The following PELI2 variants were observed in gnomAD, a reference collection of about 807,000 sequenced individuals.
PELI2 encodes the protein E3 ubiquitin-protein ligase pellino homolog 2.
PELI2 carries 23 observed loss-of-function variants against 42.3 expected under a neutral mutation model. The ratio of observed to expected loss-of-function variants is 0.54; its 90% CI spans 0.39 to 0.77. The LOEUF is 0.77. Among genes scored for constraint, PELI2 ranks in the 30% least tolerant of loss-of-function variants. PELI2 has a pLI of 0.00. For synonymous variants in PELI2, 245 were observed against 212.2 expected (o/e 1.15, Z -1.34); for missense variants, 463 against 553.2 (o/e 0.84, Z 1.64).
chr14:56,248,209 A>G (rs1011685563), intron 2 of PELI2, among the ~76,000 whole-genome samples: 1 of 152,226 alleles, frequency 6.6e-6, no homozygotes, highest in South Asian at 2.1e-4. Context: ...AGCGTCTACC[A>G]TGCTGCTATT....
chr14:56,236,216 T>G (rs1887788604), intron 2 of PELI2, among the ~76,000 whole-genome samples: 1 of 152,238 alleles, frequency 6.6e-6, no homozygotes, highest in Non-Finnish European at 1.5e-5. Flanking sequence ...TTGGAGTTGA[T>G]TTAAAGCACG....
Position 56,235,737 on chromosome 14 carries a change from C to T in PELI2, c.208-43939C>T, listed in dbSNP as rs150208175. 1.3e-3 allele frequency among the ~76,000 whole-genome samples: 204 copies of T among 152,314 alleles called. 2 individuals are homozygous for T. Among genetic ancestry groups the T allele is most frequent in the African/African-American group, 4.6e-3 (192 of 41,572 alleles). On this transcript the variant is annotated intron_variant, in intron 2 of 5. Transcript: ENST00000267460. Reference sequence around the variant, plus strand: ...GATGGAAGATGGATATTTTCATTTCCTTATATTATTTCCAATACATAAGCA... The same window carrying T: ...GATGGAAGATGGATATTTTCATTTCTTTATATTATTTCCAATACATAAGCA...
In PELI2 at chr14:56,271,913, G is replaced by T. The variant is rs577908012; in HGVS notation, c.208-7763G>T. 2.6e-5 allele frequency among the ~76,000 whole-genome samples: 4 copies of T among 152,254 alleles called. No homozygotes were observed. In the South Asian group the frequency reaches 8.3e-4, roughly 32 times the overall value. ...AGCCCCAGGGACTCTTTCTTCCCAGGCATTTTGCGGGGACCTGAAAGGCAA... is the reference window on the plus strand; with the variant it reads ...AGCCCCAGGGACTCTTTCTTCCCAGTCATTTTGCGGGGACCTGAAAGGCAA... On this transcript the variant is annotated intron_variant, in intron 2 of 5. Transcript: ENST00000267460.
intron 2 of PELI2, among the ~76,000 whole-genome samples, chr14:56,239,687 G>A (rs751059014): frequency 6.6e-6 from 1 of 152,130 alleles, no homozygotes; most frequent in Non-Finnish European, 1.5e-5. Flanking sequence ...TGAGTTCAGT[G>A]CCCTATGGTC....
intron 2 of PELI2, among the ~76,000 whole-genome samples, chr14:56,228,672 G>C (rs1481928807): frequency 1.3e-5 from 2 of 152,238 alleles, no homozygotes; most frequent in African/African-American, 4.8e-5. Flanking sequence ...CCAGTCTACA[G>C]CTCCCAGTGT....
chr14:56,120,485 T>C (rs1050292260), intron 1 of PELI2, among the ~76,000 whole-genome samples: 1 of 152,216 alleles, frequency 6.6e-6, no homozygotes, highest in Non-Finnish European at 1.5e-5. Flanking sequence ...TATCATAGTC[T>C]CACTCCACAG....
Position 56,288,682 on chromosome 14 carries a change from T to C in PELI2, c.507+48T>C. 5 of 1,420,458 alleles carry C rather than the reference T, an allele frequency of 3.5e-6. No homozygotes were observed. The highest frequency in any genetic ancestry group is 4.9e-6 in the Non-Finnish European group (5 of 1,030,120). 88.0% of individuals were successfully genotyped at this position (1,420,458 alleles called of 1,614,324 possible). A position where few individuals can be genotyped will look rare whatever the true frequency, so the allele number is the denominator to read the frequency against. ...CGATTTCTAGAAAAATGCTTGTGAT[T>C]ATGATATGGAACATTTAATTGGAGC... is the stretch of plus-strand genomic sequence containing the variant. On this transcript the variant is annotated intron_variant, in intron 4 of 5. Coordinates refer to ENST00000267460, the MANE Select transcript of PELI2 (RefSeq NM_021255.3). The surrounding 1 kb of genome is among the most constrained non-coding windows in gnomAD (Gnocchi z 4.6).
chr14:56,230,989 C>CAA (rs1248063881), intron 2 of PELI2, among the ~76,000 whole-genome samples: 15 of 152,022 alleles, frequency 9.9e-5, no homozygotes, highest in Non-Finnish European at 1.9e-4. Context: ...TTTAAACCAA[C>CAA]AGATCAAAAG....
chr14:56,144,141 AC>A (rs1884020988), intron 1 of PELI2, among the ~76,000 whole-genome samples: 1 of 152,128 alleles, frequency 6.6e-6, no homozygotes, highest in African/African-American at 2.4e-5. Flanking sequence ...CTTTTCCCTT[AC>A]TTGTAACTTC....
intron 1 of PELI2, among the ~76,000 whole-genome samples, chr14:56,141,751 C>T (rs1338774348): frequency 6.6e-6 from 1 of 152,104 alleles, no homozygotes; most frequent in Non-Finnish European, 1.5e-5. Flanking sequence ...GGGAAACCAC[C>T]CCCAAGATTC....
chr14:56,225,256 G>A (rs980844069), intron 2 of PELI2, among the ~76,000 whole-genome samples: 3 of 152,160 alleles, frequency 2.0e-5, no homozygotes, highest in African/African-American at 7.2e-5. Flanking sequence ...GGGGCATCAG[G>A]CTGCTGTTAG....
At chr14:56,261,220 G>A (rs1282582164) in intron 2 of PELI2, among the ~76,000 whole-genome samples, 3 of 152,096 alleles carry the variant, frequency 2.0e-5, no homozygotes, top group Non-Finnish European at 4.4e-5. Context: ...TTAATACTTG[G>A]TAACTGTGTC....
At chr14:56,119,462 C>A (rs1437998013) in intron 1 of PELI2, among the ~76,000 whole-genome samples, 1 of 152,172 alleles carries the variant, frequency 6.6e-6, no homozygotes, top group East Asian at 1.9e-4. Context: ...CCCCCGGTCC[C>A]GGCCTCGCTG....
intron 2 of PELI2, among the ~76,000 whole-genome samples, chr14:56,245,828 G>A (rs1410136174): frequency 6.6e-6 from 1 of 152,128 alleles, no homozygotes; most frequent in Non-Finnish European, 1.5e-5. Flanking sequence ...CATAGCATTG[G>A]CATTGTTTTA....
At position 56,219,448 on chromosome 14, in the gene PELI2, G is replaced by T. The variant is rs1364720687; in HGVS notation, c.207+40984G>T. Among the ~76,000 whole-genome samples the T allele has an allele frequency of 6.6e-6, 1 of 151,810 alleles. No homozygotes were observed. The highest frequency in any genetic ancestry group is 2.4e-5 in the African/African-American group (1 of 41,310). ...CATCTTTTTAACATCCTTTCCTCTC[G>T]CAGTAACTACAGCATGATTTGTTTT... On this transcript the variant is annotated intron_variant, in intron 2 of 5. Coordinates refer to ENST00000267460, the MANE Select transcript of PELI2 (RefSeq NM_021255.3). This position sits in a 1 kb window ranked among gnomAD's most constrained non-coding sequence, Gnocchi z 4.1.
At chr14:56,202,667 G>C (rs1202510814) in intron 2 of PELI2, among the ~76,000 whole-genome samples, 1 of 152,188 alleles carries the variant, frequency 6.6e-6, no homozygotes, top group Admixed American at 6.5e-5. Flanking sequence ...CCTGGGCCTA[G>C]GTGTAGGATG....
chr14:56,292,287 A>G (rs879408519), intron 5 of PELI2, among the ~76,000 whole-genome samples: 22 of 152,194 alleles, frequency 1.4e-4, no homozygotes, highest in African/African-American at 3.4e-4. Flanking sequence ...AAAGGCTTCT[A>G]TCAGCCTGAT....
intron 2 of PELI2, among the ~76,000 whole-genome samples, chr14:56,230,187 T>C (rs1184169386): frequency 2.6e-5 from 4 of 152,292 alleles, no homozygotes; most frequent in Admixed American, 2.6e-4. Flanking sequence ...CAGGGTATTA[T>C]CCAGGAGAAC....
intron 2 of PELI2, among the ~76,000 whole-genome samples, chr14:56,226,500 C>T (rs1887360080): frequency 6.6e-6 from 1 of 152,160 alleles, no homozygotes; most frequent in African/African-American, 2.4e-5. Flanking sequence ...TTCTAATCCA[C>T]TTGTATGGAT....
Sources: gnomAD v4.1 joint callset for allele counts (sites outside exome capture counted in the v4.1 genomes callset) on GRCh38, gnomAD v4.1.1 for gene constraint, Gnocchi (gnomAD v3.1) non-coding constraint, MANE v1.5 for transcripts, NCBI Gene and HGNC (gene_info 2026-07-23, HGNC 2026-07-21) for gene names.